DENND2B: variants seen among roughly 807,000 people sequenced by gnomAD.
DENND2B encodes DENN domain containing 2B.
A neutral mutation model predicts 116.0 loss-of-function variants in DENND2B; 32 were observed. That is an observed-to-expected ratio of 0.28 (90% CI 0.21 to 0.37). The LOEUF (loss-of-function observed/expected upper bound fraction) is 0.37, where lower values mean the gene tolerates loss of function less well. Ranked by LOEUF, DENND2B falls within the 10% of genes least tolerant of loss-of-function variation. DENND2B has a pLI of 1.00. For missense variants in DENND2B, 1,276 were observed against 1,477.7 expected, an observed-to-expected ratio of 0.86 and a Z score of 2.24; for synonymous variants, 588 against 583.9, an observed-to-expected ratio of 1.01 and a Z score of -0.10.
chr11:8,868,694 T>C (rs962185841), intron 2 of DENND2B, among the ~76,000 whole-genome samples: 1 of 152,244 alleles, frequency 6.6e-6, no homozygotes, highest in Non-Finnish European at 1.5e-5. Flanking sequence ...GCAGGTGGCA[T>C]AGAGCAGATG....
intron 19 of DENND2B, 36 bp downstream of exon 19, chr11:8,695,427 C>A: frequency 6.3e-7 from 1 of 1,587,224 alleles, no homozygotes; most frequent in Non-Finnish European, 8.6e-7. Flanking sequence ...TTCCTTCTTG[C>A]TGAACATCTA....
At chr11:8,751,281 C>T (rs1168973909) in intron 1 of DENND2B, among the ~76,000 whole-genome samples, 1 of 152,136 alleles carries the variant, frequency 6.6e-6, no homozygotes, top group Non-Finnish European at 1.5e-5. Context: ...AATCAGCACC[C>T]TGTCAAAAAG....
chr11:8,694,077 C>A lies in DENND2B; in HGVS notation c.*19G>T. The stretch of plus-strand genomic sequence containing the variant: ...TTCAGGCTCTGCAAGGCACTGGACT[C>A]TGCTACTGAGAAGGAGGCTTAATTC... On this transcript the variant is annotated 3_prime_UTR_variant, in exon 20 of 20. Coordinates refer to ENST00000313726, the MANE Select transcript of DENND2B (RefSeq NM_213618.2). 5.6e-6 allele frequency: 9 copies of A among 1,614,086 alleles called. No individual in the cohort carries two copies. Among genetic ancestry groups the A allele is most frequent in the Non-Finnish European group, 7.6e-6 (9 of 1,179,996 alleles).
intron 4 of DENND2B, among the ~76,000 whole-genome samples, chr11:8,823,775 T>C (rs907246363): frequency 1.3e-5 from 2 of 152,204 alleles, no homozygotes; most frequent in African/African-American, 2.4e-5. Context: ...CAGTTCTTTA[T>C]AGCAGCATGA....
chr11:8,890,500 T>C (rs1306830187), intron 1 of DENND2B, among the ~76,000 whole-genome samples: 1 of 151,920 alleles, frequency 6.6e-6, no homozygotes, highest in Non-Finnish European at 1.5e-5. Context: ...TGAAAAAAGA[T>C]TAGACGAATG....
At chr11:8,876,361 C>T (rs911832319), upstream of DENND2B, among the ~76,000 whole-genome samples, 6 of 151,772 alleles carry the variant, frequency 4.0e-5, no homozygotes, top group Non-Finnish European at 8.8e-5. Context: ...AATAAGTAAA[C>T]TGAATTGTGT....
At chr11:8,765,678 A>T (rs1276542278) in intron 1 of DENND2B, among the ~76,000 whole-genome samples, 1 of 123,712 alleles carries the variant, frequency 8.1e-6, no homozygotes, top group Non-Finnish European at 1.8e-5. Context: ...TTTTCCTTTC[A>T]ATTTCTTGTA....
chr11:8,772,618 T>G (rs900693585), intron 1 of DENND2B, among the ~76,000 whole-genome samples: 1 of 152,016 alleles, frequency 6.6e-6, no homozygotes, highest in Non-Finnish European at 1.5e-5. Flanking sequence ...TGGGTGTGTG[T>G]GAGAGAGAAG....
chr11:8,859,339 C>T (rs1252892812), intron 2 of DENND2B, among the ~76,000 whole-genome samples: 1 of 151,862 alleles, frequency 6.6e-6, no homozygotes, highest in East Asian at 1.9e-4. Context: ...ACAGAGTCTC[C>T]CTCTCTCGCC....
intron 1 of DENND2B, among the ~76,000 whole-genome samples, chr11:8,777,011 T>A (rs752975230): frequency 1.3e-4 from 20 of 152,152 alleles, no homozygotes; most frequent in Non-Finnish European, 2.8e-4. Flanking sequence ...CCTCTCTTAT[T>A]TAAGAAAGCT....
chr11:8,695,608 G>A (rs2040217579), intron 18 of DENND2B, 59 bp from the exon 19 acceptor site: 1 of 1,490,256 alleles, frequency 6.7e-7, no homozygotes, highest in Admixed American at 1.7e-5. Flanking sequence ...GGAAGGAGAG[G>A]CCTACATGAA....
chr11:8,818,821 C>T (rs1428927259), intron 4 of DENND2B, among the ~76,000 whole-genome samples: 2 of 152,126 alleles, frequency 1.3e-5, no homozygotes, highest in Middle Eastern at 3.4e-3. Flanking sequence ...CTAATCAATC[C>T]AACTAAAAAG....
Position 8,705,770 on chromosome 11 carries a change from A to G in DENND2B, c.2571+1315T>C, listed in dbSNP as rs536776510. On this transcript the variant is annotated intron_variant, in intron 13 of 19. Coordinates refer to ENST00000313726, the MANE Select transcript of DENND2B (RefSeq NM_213618.2). ...CTGTAACAACTACTCCCTATTTCCA[A>G]TCAAACGCAAAGTGCTATTGGTCCT... Among the ~76,000 whole-genome samples, 26 of 152,342 alleles carry G rather than the reference A, an allele frequency of 1.7e-4. No homozygotes were observed. The East Asian group carries it at 3.9e-3, about 23-fold the overall frequency.
chr11:8,720,831 G>C (rs560637984), intron 4 of DENND2B, among the ~76,000 whole-genome samples: 2 of 152,302 alleles, frequency 1.3e-5, no homozygotes, highest in South Asian at 4.1e-4. Flanking sequence ...CAAAGGAATG[G>C]CTCAGAGTTG....
At chr11:8,710,812 C>T (rs776622066) in intron 11 of DENND2B, 33 bp downstream of exon 11, 1 of 1,601,558 alleles carries the variant, frequency 6.2e-7, no homozygotes, top group Non-Finnish European at 8.5e-7. Context: ...TATCCCCTGC[C>T]TGCTGGCCTG....
rs572309263 is a variant in DENND2B, at chr11:8,797,309, T to G, written c.-26+13208A>C. On this transcript the variant is annotated intron_variant, in intron 1 of 19. Coordinates refer to ENST00000313726, the MANE Select transcript of DENND2B (RefSeq NM_213618.2). The stretch of plus-strand genomic sequence containing the variant: ...CCGCTAACCTAAAATCTGCAGAAAA[T>G]TTAAAAATACATAGTGCTTGATCCC... 1.2e-4 allele frequency among the ~76,000 whole-genome samples: 19 copies of G among 152,172 alleles called. 1 individual carries two copies. The South Asian group carries it at 2.1e-3, about 17-fold the overall frequency.
At chr11:8,897,102 TA>T (rs397732070) in intron 1 of DENND2B, among the ~76,000 whole-genome samples, 1 of 150,458 alleles carries the variant, frequency 6.6e-6, no homozygotes, top group African/African-American at 2.4e-5. Flanking sequence ...TTTTTTTTTT[TA>T]AAAACTAGCC....
intron 1 of DENND2B, among the ~76,000 whole-genome samples, chr11:8,787,536 T>C (rs965527246): frequency 4.6e-5 from 7 of 152,296 alleles, no homozygotes; most frequent in Admixed American, 2.0e-4. Flanking sequence ...ACTCTAAACA[T>C]AGCCTAAGAG....
intron 19 of DENND2B, among the ~76,000 whole-genome samples, chr11:8,695,048 C>G (rs2040116811): frequency 6.6e-6 from 1 of 151,700 alleles, no homozygotes; most frequent in Non-Finnish European, 1.5e-5. Context: ...AGTGACAGAG[C>G]CAGACCTTGC....
Sources: allele counts gnomAD v4.1 joint callset (sites outside exome capture counted in the v4.1 genomes callset), GRCh38; gene constraint gnomAD v4.1.1; transcripts MANE v1.5; gene names NCBI Gene and HGNC (gene_info 2026-07-23, HGNC 2026-07-21).